The following CBLN2 variants were observed in gnomAD, a reference collection of about 807,000 sequenced individuals.
CBLN2 encodes the protein cerebellin-2.
A neutral mutation model predicts 15.0 loss-of-function variants in CBLN2; 7 were observed. That is an observed-to-expected ratio of 0.47 (90% CI 0.27 to 0.88). The LOEUF (loss-of-function observed/expected upper bound fraction) is 0.88, where lower values mean the gene tolerates loss of function less well. Among genes scored for constraint, CBLN2 ranks in the 40% least tolerant of loss-of-function variants. CBLN2 has a pLI of 0.14. For synonymous variants in CBLN2, 149 were observed against 135.2 expected (o/e 1.10, Z -0.71); for missense variants, 242 against 304.5 (o/e 0.79, Z 1.53).
intron 1 of CBLN2, among the ~76,000 whole-genome samples, chr18:72,566,821 G>GTTA (rs567953652): frequency 0.012 from 1,882 of 151,744 alleles, 37 homozygotes; most frequent in African/African-American, 0.037. Context: ...AAATGTTGTT[G>GTTA]TTATTATTAT....
intron 1 of CBLN2, among the ~76,000 whole-genome samples, chr18:72,609,082 A>T (rs117060984): frequency 6.6e-6 from 1 of 152,190 alleles, no homozygotes; most frequent in African/African-American, 2.4e-5. Flanking sequence ...CAGCCAACCC[A>T]TATCAGGCCT....
At chr18:72,563,740 C>G (rs573278773) in intron 1 of CBLN2, among the ~76,000 whole-genome samples, 3 of 152,272 alleles carry the variant, frequency 2.0e-5, no homozygotes, top group African/African-American at 7.2e-5. Flanking sequence ...GCTCAGGTCC[C>G]CTCTGCACAT....
At chr18:72,608,863 T>A (rs553886279) in intron 1 of CBLN2, among the ~76,000 whole-genome samples, 1 of 152,264 alleles carries the variant, frequency 6.6e-6, no homozygotes, top group East Asian at 1.9e-4. Flanking sequence ...GGAAGGTGAA[T>A]GAGGAGCAAA....
chr18:72,550,693 G>T (rs1178137756), intron 1 of CBLN2, among the ~76,000 whole-genome samples: 1 of 151,772 alleles, frequency 6.6e-6, no homozygotes, highest in East Asian at 1.9e-4. Context: ...ATTTGAAAGA[G>T]AAATTTTCTT....
intron 1 of CBLN2, among the ~76,000 whole-genome samples, chr18:72,609,937 G>T (rs573006198): frequency 9.2e-5 from 14 of 152,102 alleles, no homozygotes; most frequent in Admixed American, 2.6e-4. Flanking sequence ...GGGTTGTCCT[G>T]CCACCTCTAC....
chr18:72,542,613 A>G (rs917097232), intron 2 of CBLN2, among the ~76,000 whole-genome samples: 1 of 152,032 alleles, frequency 6.6e-6, no homozygotes, highest in Admixed American at 6.5e-5. Flanking sequence ...CGAGACCCTC[A>G]GAAGGCGTCA....
chr18:72,587,279 T>A (rs12607161), intron 1 of CBLN2, among the ~76,000 whole-genome samples: 1 of 152,054 alleles, frequency 6.6e-6, no homozygotes, highest in Non-Finnish European at 1.5e-5. Context: ...AATACATGTA[T>A]TGATTTGCTT....
chr18:72,541,779 C>A (rs1320808442), intron 3 of CBLN2, 25 bp downstream of exon 3: 2 of 1,503,224 alleles, frequency 1.3e-6, no homozygotes, highest in African/African-American at 1.4e-5. Context: ...GGGCTGGGGG[C>A]GGGGTGGGCA....
chr18:72,569,373 T>C (rs2069315693), intron 1 of CBLN2, among the ~76,000 whole-genome samples: 1 of 152,200 alleles, frequency 6.6e-6, no homozygotes, highest in African/African-American at 2.4e-5. Flanking sequence ...TTCCAAATCT[T>C]TTCAGTATCT....
intron 1 of CBLN2, among the ~76,000 whole-genome samples, chr18:72,586,819 CTTTTGGGGT>C (rs1195667021): frequency 6.6e-6 from 1 of 151,998 alleles, no homozygotes; most frequent in African/African-American, 2.4e-5. Context: ...TGAAATAGGC[CTTTTGGGGT>C]GTTATTTCTG....
At chr18:72,606,234 C>T (rs2069582706) in intron 1 of CBLN2, among the ~76,000 whole-genome samples, 1 of 152,208 alleles carries the variant, frequency 6.6e-6, no homozygotes, top group African/African-American at 2.4e-5. Context: ...TATCTGGCCA[C>T]AATTTTCATA....
At chr18:72,622,791 T>A (rs755054604) in intron 1 of CBLN2, among the ~76,000 whole-genome samples, 1 of 152,184 alleles carries the variant, frequency 6.6e-6, no homozygotes, top group Non-Finnish European at 1.5e-5. Context: ...TGGAAAACCG[T>A]GTATCACATG....
chr18:72,553,311 G>A (rs1450510818), intron 1 of CBLN2, among the ~76,000 whole-genome samples: 1 of 152,152 alleles, frequency 6.6e-6, no homozygotes. Context: ...ATCTGCCCCG[G>A]TCCTTCAGGG....
intron 1 of CBLN2, among the ~76,000 whole-genome samples, chr18:72,625,806 C>CTATATA (rs1215798348): frequency 1.3e-4 from 8 of 59,780 alleles, no homozygotes; most frequent in East Asian, 8.3e-4. Context: ...CTCTCTCTCT[C>CTATATA]TCTCTCTCTC....
rs192246296 is a variant in CBLN2 at position 72,593,980 on chromosome 18, G to A, written c.15+44345C>T. ...AAAAAAGGATGAATTCATGTCCTTTGCAGGGACATGGATGAAGCTGGAAAC... is the reference window on the plus strand; with the variant it reads ...AAAAAAGGATGAATTCATGTCCTTTACAGGGACATGGATGAAGCTGGAAAC... On this transcript the variant is annotated intron_variant, in intron 1 of 2. Transcript: ENST00000581073. Among the ~76,000 whole-genome samples the A allele has an allele frequency of 1.7e-3, 254 of 152,236 alleles. 3 individuals carry two copies. The highest frequency in any genetic ancestry group is 5.7e-3 in the African/African-American group (236 of 41,566).
chr18:72,563,847 T>C (rs2069277114), intron 1 of CBLN2, among the ~76,000 whole-genome samples: 1 of 152,024 alleles, frequency 6.6e-6, no homozygotes, highest in African/African-American at 2.4e-5. Context: ...AGCAACTCAC[T>C]CCCAATGGAG....
chr18:72,598,926 A>T (rs1211366310), intron 1 of CBLN2, among the ~76,000 whole-genome samples: 1 of 152,110 alleles, frequency 6.6e-6, no homozygotes, highest in Non-Finnish European at 1.5e-5. Flanking sequence ...ACTTTCGGGG[A>T]ATGAGAGAAC....
Position 72,567,672 on chromosome 18 carries a change from C to T in CBLN2, c.16-28900G>A, listed in dbSNP as rs113474063. ...TCCAGCCTCTAAGATGAGTTCTCAT[C>T]TTCCCTCTTTCCTTTTCTCTTTCTC... is the stretch of plus-strand genomic sequence containing the variant. On this transcript the variant is annotated intron_variant, in intron 1 of 2. Transcript: ENST00000581073. 9.2e-5 allele frequency among the ~76,000 whole-genome samples: 14 copies of T among 152,248 alleles called. 1 individual carries two copies. The South Asian group carries it at 1.2e-3, about 14-fold the overall frequency.
At chr18:72,563,525 C>T (rs774144211) in intron 1 of CBLN2, among the ~76,000 whole-genome samples, 10 of 151,940 alleles carry the variant, frequency 6.6e-5, no homozygotes, top group Admixed American at 2.6e-4. Flanking sequence ...AGAGCACTGG[C>T]GTACAGCAAG....
Sources: gnomAD v4.1 joint callset for allele counts (sites outside exome capture counted in the v4.1 genomes callset) on GRCh38, gnomAD v4.1.1 for gene constraint, MANE v1.5 for transcripts, NCBI Gene and HGNC (gene_info 2026-07-23, HGNC 2026-07-21) for gene names.